TNRC6C: variants seen among roughly 807,000 people sequenced by gnomAD.
TNRC6C encodes trinucleotide repeat-containing gene 6C protein.
Under a neutral mutation model 153.7 loss-of-function variants are expected in TNRC6C, and 20 were observed. That is an observed-to-expected ratio of 0.13 (90% CI 0.09 to 0.19). TNRC6C has a LOEUF of 0.19. Ranked by LOEUF, TNRC6C falls within the 10% of genes least tolerant of loss-of-function variation. The pLI is 1.00. For missense variants in TNRC6C, 1,987 were observed against 2,172.0 expected, an observed-to-expected ratio of 0.91 and a Z score of 1.69; for synonymous variants, 811 against 841.4, an observed-to-expected ratio of 0.96 and a Z score of 0.63.
chr17:78,079,535 C>T lies in TNRC6C; in HGVS notation c.3351C>T (p.Ser1117=). ...GTGCTCAAGTGCCTCAGTTTCTATC[C>T]CCTCAGGTCAGACCCACATCCAAGC... The change falls in exon 10 of 20, where the codon TCC becomes TCT. Residue 1117 remains serine, a synonymous_variant. Coordinates refer to ENST00000301624, the Ensembl canonical transcript of TNRC6C. This position sits in a 1 kb window ranked among gnomAD's most constrained non-coding sequence, Gnocchi z 4.3. 1.2e-6 allele frequency: 2 copies of T among 1,613,864 alleles called. No homozygotes were observed. Among genetic ancestry groups the T allele is most frequent in the Non-Finnish European group, 1.7e-6 (2 of 1,179,870 alleles).
chr17:78,074,447 G>A (rs1411561959), intron 7 of TNRC6C, among the ~76,000 whole-genome samples: 1 of 152,204 alleles, frequency 6.6e-6, no homozygotes, highest in Non-Finnish European at 1.5e-5. Flanking sequence ...CTGTCTAATC[G>A]TGCACGTGCG....
Position 78,050,640 on chromosome 17 carries a change from C to G in TNRC6C, c.1578C>G (p.Ser526Arg), listed in dbSNP as rs373687623. ...CAGCAAACACAGGTTGGGGAGACAG[C>G]AACAACAAAGCGCCAAGTGGCCCGG... The change falls in exon 3 of 20, where the codon AGC becomes AGG. Residue 526 changes from serine (S) to arginine (R), a missense_variant. Coordinates refer to ENST00000301624, the Ensembl canonical transcript of TNRC6C. The G allele has an allele frequency of 3.2e-6, 5 of 1,568,168 alleles. No homozygotes were observed. In the East Asian group the frequency reaches 1.1e-4, roughly 35 times the overall value.
At chr17:78,021,365 T>G (rs1312761834) in intron 1 of TNRC6C, among the ~76,000 whole-genome samples, 1 of 152,268 alleles carries the variant, frequency 6.6e-6, no homozygotes, top group Admixed American at 6.5e-5. Context: ...AAGCCTGATG[T>G]GCTTGTGCTC....
chr17:77,987,754 A>G (rs1018305895), intron 1 of TNRC6C, among the ~76,000 whole-genome samples: 1 of 152,116 alleles, frequency 6.6e-6, no homozygotes, highest in Non-Finnish European at 1.5e-5. Flanking sequence ...ATCTCAGCTC[A>G]CCGCAACCTC....
intron 3 of TNRC6C, among the ~76,000 whole-genome samples, chr17:78,052,842 A>G (rs572412545): frequency 6.6e-6 from 1 of 152,326 alleles, no homozygotes; most frequent in African/African-American, 2.4e-5. Context: ...CTAACGCATC[A>G]GTGTCACTAA....
intron 2 of TNRC6C, among the ~76,000 whole-genome samples, chr17:78,045,452 A>T (rs2072389683): frequency 6.6e-6 from 1 of 152,038 alleles, no homozygotes; most frequent in African/African-American, 2.4e-5. Flanking sequence ...CATAGTTGAG[A>T]TCTACACCTC....
At position 78,049,486 on chromosome 17, in the gene TNRC6C, G is replaced by A. The variant is rs143335497; in HGVS notation, c.424G>A (p.Gly142Arg). ...AGGTCAAAATATGGGCAACCAGAAC[G>A]GGAACCCAACAGGCACTTTAGGTGC... The change falls in exon 3 of 20, where the codon GGG becomes AGG. Residue 142 changes from glycine (G) to arginine (R), a missense_variant. Transcript: ENST00000301624. This position sits in a 1 kb window ranked among gnomAD's most constrained non-coding sequence, Gnocchi z 4.1. The A allele has an allele frequency of 5.0e-4, 800 of 1,614,016 alleles. No individual in the cohort carries two copies. The highest frequency in any genetic ancestry group is 1.2e-3 in the Middle Eastern group (7 of 6,062).
At chr17:78,070,586 C>G (rs1186586865) in intron 5 of TNRC6C, among the ~76,000 whole-genome samples, 1 of 151,990 alleles carries the variant, frequency 6.6e-6, no homozygotes, top group East Asian at 1.9e-4. Context: ...TTTTCTCTAC[C>G]CTATGAGCTA....
chr17:77,974,072 G>C (rs1451021094), intron 1 of TNRC6C, among the ~76,000 whole-genome samples: 1 of 151,422 alleles, frequency 6.6e-6, no homozygotes, highest in Non-Finnish European at 1.5e-5. Flanking sequence ...GGGAGAGAGA[G>C]AGAGAGAAAG....
Position 78,104,566 on chromosome 17 carries a change from G to A in TNRC6C, c.4794G>A (p.Ala1598=), listed in dbSNP as rs915658341. 16 of 1,551,188 alleles carry A rather than the reference G, an allele frequency of 1.0e-5. No individual in the cohort carries two copies. Among genetic ancestry groups the A allele is most frequent in the East Asian group, 2.4e-5 (1 of 41,046 alleles). Residue 1598 remains alanine (A), a synonymous_variant, in exon 20 of 20, where the codon GCG becomes GCA. Coordinates refer to ENST00000301624, the Ensembl canonical transcript of TNRC6C. The surrounding 1 kb of genome is among the most constrained non-coding windows in gnomAD (Gnocchi z 6.2). ...ATCGCTTCTTAGCCCAAGGCCAGGC[G>A]CTGCCACCCACTTCCAGCTGGCAGT...
At chr17:78,021,584 T>C (rs2071833255) in intron 1 of TNRC6C, among the ~76,000 whole-genome samples, 2 of 152,240 alleles carry the variant, frequency 1.3e-5, no homozygotes, top group Admixed American at 6.5e-5. Flanking sequence ...ATTTTTATTT[T>C]CTTGAGATAG....
intron 11 of TNRC6C, among the ~76,000 whole-genome samples, chr17:78,083,832 A>G (rs1310912413): frequency 3.3e-5 from 5 of 152,134 alleles, no homozygotes; most frequent in Non-Finnish European, 5.9e-5. Context: ...TTAATTTTCA[A>G]TCAGTCTTAC....
At chr17:77,982,912 T>A (rs1304681793) in intron 1 of TNRC6C, among the ~76,000 whole-genome samples, 1 of 151,976 alleles carries the variant, frequency 6.6e-6, no homozygotes, top group Admixed American at 6.6e-5. Flanking sequence ...AGGCAAGACA[T>A]CCCTAGAAAC....
chr17:77,992,217 CG>C (rs2071262078), intron 1 of TNRC6C, among the ~76,000 whole-genome samples: 2 of 121,254 alleles, frequency 1.6e-5, no homozygotes, highest in African/African-American at 4.0e-5. Flanking sequence ...TAAGCAAAAC[CG>C]GCCGGGCGCG....
chr17:78,060,568 G>C (rs1424229009), intron 3 of TNRC6C, among the ~76,000 whole-genome samples: 1 of 150,930 alleles, frequency 6.6e-6, no homozygotes, highest in South Asian at 2.1e-4. Context: ...TGCCTCCCAG[G>C]GTCAAGCAAT....
At chr17:77,999,638 A>C (rs139685960), upstream of TNRC6C, among the ~76,000 whole-genome samples, 28 of 152,314 alleles carry the variant, frequency 1.8e-4, no homozygotes, top group Non-Finnish European at 2.6e-4. Flanking sequence ...AGCAGTGCAC[A>C]TCCATTGCAT....
chr17:78,093,034 A>C, exon 15 of TNRC6C: 1 of 1,613,846 alleles, frequency 6.2e-7, no homozygotes, highest in Non-Finnish European at 8.5e-7. Flanking sequence ...GTCACCAGCC[A>C]GTCCTCCCGT....
chr17:78,070,596 A>G (rs1261902162), intron 5 of TNRC6C, among the ~76,000 whole-genome samples: 6 of 151,582 alleles, frequency 4.0e-5, no homozygotes, highest in Non-Finnish European at 7.4e-5. Flanking sequence ...CCTATGAGCT[A>G]TAAGTAACAA....
chr17:77,968,600 C>T (rs2070917364), intron 1 of TNRC6C, among the ~76,000 whole-genome samples: 1 of 152,190 alleles, frequency 6.6e-6, no homozygotes, highest in Non-Finnish European at 1.5e-5. Flanking sequence ...ACCTCGGCCT[C>T]CCAAAGTGCT....
Sources: gnomAD v4.1 joint callset for allele counts (sites outside exome capture counted in the v4.1 genomes callset) on GRCh38, gnomAD v4.1.1 for gene constraint, Gnocchi (gnomAD v3.1) non-coding constraint, MANE v1.5 for transcripts, NCBI Gene and HGNC (gene_info 2026-07-23, HGNC 2026-07-21) for gene names.